The following SCAMP2 variants were observed in gnomAD, a reference collection of about 807,000 sequenced individuals.
SCAMP2 encodes secretory carrier membrane protein 2.
Under a neutral mutation model 44.1 loss-of-function variants are expected in SCAMP2, and 25 were observed. The observed-to-expected ratio is 0.57, with a 90% CI of 0.41 to 0.79. SCAMP2 has a LOEUF of 0.79. SCAMP2 is among the 30% of genes least tolerant of loss of function. SCAMP2 has a pLI of 0.00. For synonymous variants in SCAMP2, 156 were observed against 166.0 expected, an observed-to-expected ratio of 0.94 and a Z score of 0.46; for missense variants, 355 against 411.0, an observed-to-expected ratio of 0.86 and a Z score of 1.18.
intron 1 of SCAMP2, among the ~76,000 whole-genome samples, chr15:74,855,535 G>A (rs1463795019): frequency 6.6e-6 from 1 of 151,944 alleles, no homozygotes; most frequent in Non-Finnish European, 1.5e-5. Context: ...TGACCAACAT[G>A]GAGAAACCCC....
chr15:74,856,264 CTTTTTTTTTTT>C (rs34812536), intron 1 of SCAMP2, among the ~76,000 whole-genome samples: 4 of 60,420 alleles, frequency 6.6e-5, no homozygotes, highest in Admixed American at 2.7e-4. Context: ...AGAGCCAGTT[CTTTTTTTTTTT>C]TTTTTTTTTT....
At chr15:74,869,283 A>G (rs906283626) in intron 1 of SCAMP2, among the ~76,000 whole-genome samples, 4 of 152,188 alleles carry the variant, frequency 2.6e-5, no homozygotes, top group Admixed American at 2.0e-4. Flanking sequence ...ACTGTCTTAA[A>G]AAGCCCAAGA....
intron 1 of SCAMP2, among the ~76,000 whole-genome samples, chr15:74,862,692 C>T (rs1286477640): frequency 1.3e-5 from 2 of 151,434 alleles, no homozygotes; most frequent in East Asian, 1.9e-4. Context: ...TTTAAAAACA[C>T]ATATACATAA....
At chr15:74,847,726 C>T (rs2064409154) in intron 7 of SCAMP2, among the ~76,000 whole-genome samples, 1 of 152,288 alleles carries the variant, frequency 6.6e-6, no homozygotes, top group South Asian at 2.1e-4. Flanking sequence ...TGCACTGGGG[C>T]AGAAAGGAAA....
Position 74,844,771 on chromosome 15 carries a change from T to A in SCAMP2, c.*312A>T, listed in dbSNP as rs1359805356. On this transcript the variant is annotated 3_prime_UTR_variant, in exon 9 of 9. Coordinates refer to ENST00000268099, the MANE Select transcript of SCAMP2 (RefSeq NM_005697.5). Reference sequence around the variant, plus strand: ...GCCCAGGTCAGCCTGTGATCCCAACTGTGTGGGGGTGTCTGTGTGTGCACA... The same window carrying A: ...GCCCAGGTCAGCCTGTGATCCCAACAGTGTGGGGGTGTCTGTGTGTGCACA... 4.1e-6 allele frequency: 1 copy of A among 243,760 alleles called. No homozygotes were observed. The highest frequency in any genetic ancestry group is 9.1e-5 in the East Asian group (1 of 11,008). 15.1% of individuals were successfully genotyped at this position (243,760 alleles called of 1,614,324 possible). A position where few individuals can be genotyped will look rare whatever the true frequency, so the allele number is the denominator to read the frequency against.
At chr15:74,845,332 A>T (rs1428676830) in intron 8 of SCAMP2, 115 bp from the exon 9 acceptor site, 1 of 1,578,392 alleles carries the variant, frequency 6.3e-7, no homozygotes, top group East Asian at 2.2e-5. Flanking sequence ...CTGACCCCCC[A>T]CCCAGATCCC....
chr15:74,873,236 T>TTGGTGTCGAAAGCCGAC lies in SCAMP2; in HGVS notation c.3_19dup (p.Asn7SerfsTer15). The TTGGTGTCGAAAGCCGAC allele has an allele frequency of 6.8e-7, 1 of 1,465,458 alleles. No individual in the cohort carries two copies. The highest frequency in any genetic ancestry group is 9.0e-7 in the Non-Finnish European group (1 of 1,115,250). The allele number at this position is 1,465,458 out of a possible 1,614,324, so 90.8% of individuals were successfully genotyped here. A position where few individuals can be genotyped will look rare whatever the true frequency, so the allele number is the denominator to read the frequency against. On this transcript the variant is annotated frameshift_variant, in exon 1 of 9. Coordinates refer to ENST00000268099, the MANE Select transcript of SCAMP2 (RefSeq NM_005697.5). LOFTEE classifies it high-confidence loss of function. ...TACATCCACTGGGTCCGCGAAGGGGTTGGTGTCGAAAGCCGACATGGTGAT... is the reference window on the plus strand; with the variant it reads ...TACATCCACTGGGTCCGCGAAGGGGTTGGTGTCGAAAGCCGACTGGTGTCGAAAGCCGACATGGTGAT...
At chr15:74,867,447 T>C (rs1332240519) in intron 1 of SCAMP2, among the ~76,000 whole-genome samples, 1 of 152,234 alleles carries the variant, frequency 6.6e-6, no homozygotes, top group Non-Finnish European at 1.5e-5. Flanking sequence ...GTGCCAACCA[T>C]AAAGGCAGGA....
intron 6 of SCAMP2, among the ~76,000 whole-genome samples, chr15:74,849,730 C>T (rs558777433): frequency 3.9e-5 from 6 of 152,216 alleles, no homozygotes; most frequent in Non-Finnish European, 8.8e-5. Context: ...GGTGACAGAG[C>T]GAGACTCCCT....
At chr15:74,872,989 C>T (rs1423751059) in intron 1 of SCAMP2, 4 of 503,374 alleles carry the variant, frequency 7.9e-6, no homozygotes, top group Non-Finnish European at 1.4e-5. Context: ...CTGTCTCCAA[C>T]ACTTCAGCGC....
chr15:74,860,248 C>G (rs12902307), intron 1 of SCAMP2, among the ~76,000 whole-genome samples: 1 of 151,732 alleles, frequency 6.6e-6, no homozygotes, highest in Non-Finnish European at 1.5e-5. Context: ...AACCCCATGT[C>G]TATTAAAAAT....
chr15:74,870,694 T>C (rs1179504481), intron 1 of SCAMP2, among the ~76,000 whole-genome samples: 1 of 152,232 alleles, frequency 6.6e-6, no homozygotes, highest in Admixed American at 6.5e-5. Flanking sequence ...CCTGATGTTC[T>C]AAGGAACAAG....
chr15:74,851,270 G>T, intron 5 of SCAMP2, 83 bp downstream of exon 5: 1 of 1,496,806 alleles, frequency 6.7e-7, no homozygotes, highest in Non-Finnish European at 9.2e-7. Context: ...CTGTATACCA[G>T]GGAGGAGCAG....
chr15:74,853,887 A>G, intron 3 of SCAMP2, 134 bp downstream of exon 3: 1 of 753,458 alleles, frequency 1.3e-6, no homozygotes, highest in South Asian at 1.7e-5. Flanking sequence ...ACCAGCTCCG[A>G]ACAAATTAGC....
intron 1 of SCAMP2, among the ~76,000 whole-genome samples, chr15:74,868,353 A>AT (rs1304812125): frequency 2.6e-5 from 4 of 152,232 alleles, no homozygotes; most frequent in African/African-American, 9.6e-5. Flanking sequence ...GGCACTTAAT[A>AT]AAGAACCTTG....
intron 1 of SCAMP2, among the ~76,000 whole-genome samples, chr15:74,872,123 A>G (rs1325621559): frequency 6.6e-6 from 1 of 151,878 alleles, no homozygotes; most frequent in Non-Finnish European, 1.5e-5. Context: ...TTGCTGTTCA[A>G]AAGGTCAGGC....
intron 1 of SCAMP2, among the ~76,000 whole-genome samples, chr15:74,859,074 G>C (rs902542712): frequency 6.6e-6 from 1 of 152,040 alleles, no homozygotes. Context: ...TCCGAAAGTG[G>C]TGGGATTCAG....
In SCAMP2 at chr15:74,845,545, T is replaced by TA; in HGVS notation, c.782dup (p.Ser262IlefsTer160). 1 of 1,614,086 alleles carries TA rather than the reference T, an allele frequency of 6.2e-7. No individual in the cohort carries two copies. Among genetic ancestry groups the TA allele is most frequent in the Non-Finnish European group, 8.5e-7 (1 of 1,179,994 alleles). On this transcript the variant is annotated frameshift_variant, in exon 8 of 9. Coordinates refer to ENST00000268099, the MANE Select transcript of SCAMP2 (RefSeq NM_005697.5). LOFTEE classifies it high-confidence loss of function. ...CAGCCACCACCATCATGATGACTGA[T>TA]ATGGCCAGGGAATGATTATCCAGTG...
intron 1 of SCAMP2, among the ~76,000 whole-genome samples, chr15:74,862,520 G>A (rs1400083453): frequency 2.6e-5 from 4 of 151,236 alleles, no homozygotes; most frequent in African/African-American, 7.3e-5. Flanking sequence ...AGGCTGCAGT[G>A]AGCCGAGATC....
Sources: gnomAD v4.1 joint callset for allele counts (sites outside exome capture counted in the v4.1 genomes callset) on GRCh38, gnomAD v4.1.1 for gene constraint, MANE v1.5 for transcripts, NCBI Gene and HGNC (gene_info 2026-07-23, HGNC 2026-07-21) for gene names.